Variants in LOXL2 observed in about 807,000 individuals in gnomAD.
LOXL2 encodes the protein lysyl oxidase homolog 2.
In LOXL2, 70 loss-of-function variants were observed where a neutral mutation model predicts 93.0. The observed-to-expected ratio is 0.75, with a 90% CI of 0.62 to 0.92. LOXL2 has a LOEUF of 0.92. LOXL2 is among the 40% of genes least tolerant of loss of function. LOXL2 has a pLI of 0.00. For synonymous variants in LOXL2, 438 were observed against 413.2 expected, an observed-to-expected ratio of 1.06 and a Z score of -0.73; for missense variants, 973 against 1,054.9, an observed-to-expected ratio of 0.92 and a Z score of 1.08.
At chr8:23,394,903 C>A (rs569617384) in intron 1 of LOXL2, among the ~76,000 whole-genome samples, 4 of 152,044 alleles carry the variant, frequency 2.6e-5, no homozygotes, top group South Asian at 2.1e-4. Flanking sequence ...TACGGTATGC[C>A]CATACAATAG....
intron 1 of LOXL2, among the ~76,000 whole-genome samples, chr8:23,383,516 C>T (rs73226407): frequency 0.12 from 18,407 of 152,114 alleles, 1,378 homozygotes; most frequent in Admixed American, 0.18. Flanking sequence ...CACATCCTAT[C>T]AATACTACCT....
chr8:23,368,858 G>C (rs1804455628), intron 1 of LOXL2, among the ~76,000 whole-genome samples: 1 of 152,174 alleles, frequency 6.6e-6, no homozygotes. Context: ...CTGTCTCTTA[G>C]GAGCTGTGGC....
intron 1 of LOXL2, 97 bp downstream of exon 1, chr8:23,403,857 C>CAG (rs1481364443): frequency 6.5e-6 from 1 of 152,922 alleles, no homozygotes; most frequent in East Asian, 1.9e-4. Flanking sequence ...TGTCGAGAGG[C>CAG]AGCCCCGCGC....
chr8:23,384,522 G>A (rs1023590835), intron 1 of LOXL2, among the ~76,000 whole-genome samples: 28 of 152,190 alleles, frequency 1.8e-4, no homozygotes, highest in African/African-American at 6.8e-4. Flanking sequence ...AGTACCTGCA[G>A]CTGGTTCAGG....
chr8:23,391,182 C>T (rs917667646), intron 1 of LOXL2, among the ~76,000 whole-genome samples: 6 of 152,188 alleles, frequency 3.9e-5, no homozygotes, highest in African/African-American at 1.4e-4. Flanking sequence ...GGTGCGGATA[C>T]AGCCAAATCA....
At chr8:23,340,841 G>T in intron 4 of LOXL2, 151 bp downstream of exon 4, 1 of 704,010 alleles carries the variant, frequency 1.4e-6, no homozygotes, top group East Asian at 2.7e-5. Flanking sequence ...CGCCTGGCCC[G>T]GCCCAGGGGC....
At chr8:23,325,430 C>T (rs1803563181) in intron 6 of LOXL2, among the ~76,000 whole-genome samples, 1 of 152,106 alleles carries the variant, frequency 6.6e-6, no homozygotes, top group Non-Finnish European at 1.5e-5. Context: ...GCTGGGACCA[C>T]AGGTGTGTAC....
At chr8:23,376,131 G>C (rs1180425369) in intron 1 of LOXL2, among the ~76,000 whole-genome samples, 1 of 152,118 alleles carries the variant, frequency 6.6e-6, no homozygotes, top group Non-Finnish European at 1.5e-5. Context: ...CTAATTTATT[G>C]AGAATTTTTA....
intron 1 of LOXL2, among the ~76,000 whole-genome samples, chr8:23,380,867 T>C (rs942258574): frequency 1.1e-4 from 16 of 151,750 alleles, no homozygotes; most frequent in South Asian, 6.3e-4. Flanking sequence ...ACAAAAATTA[T>C]CTGGGCATGG....
At chr8:23,357,045 C>T (rs1289611901) in intron 3 of LOXL2, among the ~76,000 whole-genome samples, 21 of 151,926 alleles carry the variant, frequency 1.4e-4, no homozygotes, top group Admixed American at 1.4e-3. Flanking sequence ...GTAAGAAAGT[C>T]GTCTCCAACA....
intron 1 of LOXL2, among the ~76,000 whole-genome samples, chr8:23,387,215 C>T (rs1218892887): frequency 6.6e-6 from 1 of 152,202 alleles, no homozygotes; most frequent in African/African-American, 2.4e-5. Context: ...GGCTGAGAAC[C>T]CTCTTACATT....
chr8:23,341,482 T>C, intron 3 of LOXL2: 1 of 500,394 alleles, frequency 2.0e-6, no homozygotes, highest in Middle Eastern at 5.6e-4. Context: ...CATGGGCTTC[T>C]CCTACATCCG....
At chr8:23,345,386 G>A (rs1479695626) in intron 3 of LOXL2, among the ~76,000 whole-genome samples, 1 of 152,176 alleles carries the variant, frequency 6.6e-6, no homozygotes, top group African/African-American at 2.4e-5. Context: ...GAAGGGTGCT[G>A]GTGCTGTGCA....
intron 4 of LOXL2, among the ~76,000 whole-genome samples, chr8:23,335,721 C>T (rs1172084191): frequency 6.6e-6 from 1 of 152,160 alleles, no homozygotes; most frequent in African/African-American, 2.4e-5. Context: ...GCTGGGCAGG[C>T]TGACCCCAAG....
intron 1 of LOXL2, among the ~76,000 whole-genome samples, chr8:23,372,183 C>A (rs1260284995): frequency 6.6e-6 from 1 of 151,278 alleles, no homozygotes; most frequent in Non-Finnish European, 1.5e-5. Flanking sequence ...ATCATCAGAA[C>A]GAATATAACA....
intron 2 of LOXL2, among the ~76,000 whole-genome samples, chr8:23,366,636 T>G (rs1452640229): frequency 2.6e-5 from 4 of 152,218 alleles, no homozygotes; most frequent in African/African-American, 9.6e-5. Context: ...TGGGCGATTC[T>G]TACGCAGTCA....
intron 2 of LOXL2, among the ~76,000 whole-genome samples, chr8:23,366,276 G>A (rs903072062): frequency 1.3e-5 from 2 of 152,248 alleles, no homozygotes; most frequent in Admixed American, 1.3e-4. Flanking sequence ...AAGACAGGAA[G>A]TGGGTTCTAA....
At chr8:23,318,425 GCACACACACACACA>G (rs59051890) in intron 8 of LOXL2, among the ~76,000 whole-genome samples, 141 of 145,846 alleles carry the variant, frequency 9.7e-4, no homozygotes, top group South Asian at 8.2e-3. Flanking sequence ...TTGGTTGATA[GCACACACACACACA>G]CACACACACA....
chr8:23,362,294 G>A (rs1038586007), intron 2 of LOXL2, among the ~76,000 whole-genome samples: 1 of 152,210 alleles, frequency 6.6e-6, no homozygotes, highest in African/African-American at 2.4e-5. Context: ...AAAGTAGAGT[G>A]GTGGCTGCCA....
Sources: allele counts gnomAD v4.1 joint callset (sites outside exome capture counted in the v4.1 genomes callset), GRCh38; gene constraint gnomAD v4.1.1; transcripts MANE v1.5; gene names NCBI Gene and HGNC (gene_info 2026-07-23, HGNC 2026-07-21).